KCNH7: variants seen among roughly 807,000 people sequenced by gnomAD.
The protein encoded by KCNH7 is potassium voltage-gated channel subfamily H member 7, also known as voltage-gated inwardly rectifying potassium channel KCNH7.
Under a neutral mutation model 120.8 loss-of-function variants are expected in KCNH7, and 49 were observed. That is an observed-to-expected ratio of 0.41 (90% confidence interval 0.32 to 0.51). The LOEUF is 0.51. Among genes scored for constraint, KCNH7 ranks in the 20% least tolerant of loss-of-function variants. KCNH7 has a pLI of 0.38. For synonymous variants in KCNH7, 547 were observed against 516.1 expected (o/e 1.06, Z -0.81); for missense variants, 1,097 against 1,446.6 (o/e 0.76, Z 3.92).
chr2:162,762,103 C>T (rs1280926814), intron 2 of KCNH7, among the ~76,000 whole-genome samples: 2 of 152,004 alleles, frequency 1.3e-5, no homozygotes, highest in Non-Finnish European at 1.5e-5. Context: ...CTGCTTCCCT[C>T]TCTTTTCTTT....
chr2:162,498,377 T>C (rs2105737250), intron 6 of KCNH7, among the ~76,000 whole-genome samples: 1 of 151,888 alleles, frequency 6.6e-6, no homozygotes, highest in African/African-American at 2.4e-5. Context: ...AAATGCTATA[T>C]ACTGTTATGT....
At chr2:162,458,017 A>G (rs980540400) in intron 6 of KCNH7, among the ~76,000 whole-genome samples, 1 of 152,170 alleles carries the variant, frequency 6.6e-6, no homozygotes, top group African/African-American at 2.4e-5. Flanking sequence ...TGAATAAAAT[A>G]TTAAAATTAG....
At chr2:162,576,366 G>A (rs1693670603) in intron 2 of KCNH7, among the ~76,000 whole-genome samples, 3 of 152,134 alleles carry the variant, frequency 2.0e-5, no homozygotes, top group Admixed American at 1.3e-4. Context: ...TGTAAAATCA[G>A]AGTTTTGGGG....
At chr2:162,522,546 A>G (rs188743172) in intron 3 of KCNH7, among the ~76,000 whole-genome samples, 3 of 152,016 alleles carry the variant, frequency 2.0e-5, no homozygotes, top group Admixed American at 1.3e-4. Context: ...GAAATATAAA[A>G]CATAGATGAG....
intron 2 of KCNH7, among the ~76,000 whole-genome samples, chr2:162,752,923 G>T (rs1433635093): frequency 6.0e-5 from 4 of 66,164 alleles, no homozygotes; most frequent in African/African-American, 3.8e-4. Flanking sequence ...GAAAAGAAAA[G>T]AAAAGAAAAG....
At chr2:162,718,272 C>T (rs1210258189) in intron 2 of KCNH7, among the ~76,000 whole-genome samples, 1 of 151,854 alleles carries the variant, frequency 6.6e-6, no homozygotes, top group Non-Finnish European at 1.5e-5. Flanking sequence ...CAGGCTGTAA[C>T]TTCCAAGTAG....
chr2:162,428,306 C>T (rs1687933396), intron 8 of KCNH7, among the ~76,000 whole-genome samples: 1 of 151,818 alleles, frequency 6.6e-6, no homozygotes, highest in African/African-American at 2.4e-5. Flanking sequence ...TTCTAAACAT[C>T]TATCAGTTTT....
At chr2:162,638,586 T>C (rs919926012) in intron 2 of KCNH7, among the ~76,000 whole-genome samples, 1 of 151,930 alleles carries the variant, frequency 6.6e-6, no homozygotes, top group Non-Finnish European at 1.5e-5. Flanking sequence ...GCATCTAAGA[T>C]CAAAAAATCA....
chr2:162,818,662 T>A (rs773571895), intron 2 of KCNH7, among the ~76,000 whole-genome samples: 24 of 152,210 alleles, frequency 1.6e-4, no homozygotes, highest in Non-Finnish European at 3.1e-4. Context: ...ATCTTTTCAA[T>A]ATTTCAAGTT....
At chr2:162,597,238 C>T (rs73026682) in intron 2 of KCNH7, among the ~76,000 whole-genome samples, 1 of 151,940 alleles carries the variant, frequency 6.6e-6, no homozygotes, top group African/African-American at 2.4e-5. Context: ...AGAGATATCT[C>T]TCCTCCCATG....
rs570509760 is a variant in KCNH7 at position 162,824,008 on chromosome 2, T to G, written c.307+12529A>C. 6.6e-5 allele frequency among the ~76,000 whole-genome samples: 10 copies of G among 152,306 alleles called. No homozygotes were observed. The South Asian group carries it at 2.1e-3, about 32-fold the overall frequency. ...CATTAGCTCTGCCAACATTTAGTTT[T>G]ATTTTCTAATATTGAAGAAAAATCA... On this transcript the variant is annotated intron_variant, in intron 2 of 15. Coordinates refer to ENST00000332142, the MANE Select transcript of KCNH7 (RefSeq NM_033272.4).
In KCNH7 at chr2:162,622,739, G is replaced by A. The variant is rs570472752; in HGVS notation, c.308-85659C>T. The stretch of plus-strand genomic sequence containing the variant: ...TTGCAACTGGTCGTAAAACCTGGTA[G>A]TAAATCTCCTTAGAATAAAAAGTCC... On this transcript the variant is annotated intron_variant, in intron 2 of 15. Transcript: ENST00000332142. 2.6e-5 allele frequency among the ~76,000 whole-genome samples: 4 copies of A among 152,238 alleles called. No homozygotes were observed. The South Asian group carries it at 8.3e-4, about 32-fold the overall frequency.
Position 162,812,565 on chromosome 2 carries a change from G to A in KCNH7, c.307+23972C>T, listed in dbSNP as rs1485378368. On this transcript the variant is annotated intron_variant, in intron 2 of 15. Transcript: ENST00000332142. The stretch of plus-strand genomic sequence containing the variant: ...TATGCCAAGAGGAATGGGACTTTTT[G>A]GGACTAGTTTAAGGTGAGGATTATT... Among the ~76,000 whole-genome samples, 3 of 151,996 alleles carry A rather than the reference G, an allele frequency of 2.0e-5. No homozygotes were observed. In the South Asian group the frequency reaches 6.2e-4, roughly 32 times the overall value.
chr2:162,730,220 G>T (rs1687678552), intron 2 of KCNH7, among the ~76,000 whole-genome samples: 1 of 151,270 alleles, frequency 6.6e-6, no homozygotes, highest in Admixed American at 6.6e-5. Context: ...AAGAATACTA[G>T]AAAGAATTAA....
At chr2:162,756,215 G>A (rs531748532) in intron 2 of KCNH7, among the ~76,000 whole-genome samples, 1 of 152,062 alleles carries the variant, frequency 6.6e-6, no homozygotes, top group African/African-American at 2.4e-5. Context: ...AATAGTATGA[G>A]CTAAACCAGA....
At chr2:162,753,028 G>GAAAAGAAAAGAAAAGAAAAGA (rs1292002226) in intron 2 of KCNH7, among the ~76,000 whole-genome samples, 1 of 133,482 alleles carries the variant, frequency 7.5e-6, no homozygotes, top group African/African-American at 3.0e-5. Context: ...GAAAAGAAAA[G>GAAAAGAAAAGAAAAGAAAAGA]AAACCCTGAC....
intron 3 of KCNH7, among the ~76,000 whole-genome samples, chr2:162,526,611 T>A (rs1691713965): frequency 6.6e-6 from 1 of 151,992 alleles, no homozygotes; most frequent in South Asian, 2.1e-4. Flanking sequence ...AAGAGAAATA[T>A]GGCTCTGTTC....
At chr2:162,428,202 T>C (rs1453451079) in intron 8 of KCNH7, among the ~76,000 whole-genome samples, 1 of 150,964 alleles carries the variant, frequency 6.6e-6, no homozygotes, top group African/African-American at 2.5e-5. Context: ...TTTATTTTCA[T>C]TTTTATTAAG....
rs1299289548 is a variant in KCNH7, at chr2:162,754,839, T to C, written c.307+81698A>G. ...GGACTTAGCAAACTTTTGGAGACTGTTGAGAAAGCAGCTCTTGTGGAGTGC... is the reference window on the plus strand; with the variant it reads ...GGACTTAGCAAACTTTTGGAGACTGCTGAGAAAGCAGCTCTTGTGGAGTGC... On this transcript the variant is annotated intron_variant, in intron 2 of 15. Coordinates refer to ENST00000332142, the MANE Select transcript of KCNH7 (RefSeq NM_033272.4). Among the ~76,000 whole-genome samples the C allele has an allele frequency of 2.6e-5, 4 of 152,180 alleles. No homozygotes were observed. The South Asian group carries it at 6.2e-4, about 24-fold the overall frequency.
Sources: allele counts gnomAD v4.1 joint callset (sites outside exome capture counted in the v4.1 genomes callset), GRCh38; gene constraint gnomAD v4.1.1; transcripts MANE v1.5; gene names NCBI Gene and HGNC (gene_info 2026-07-23, HGNC 2026-07-21).